The following BACH2 variants were observed in gnomAD, a reference collection of about 807,000 sequenced individuals.
The protein encoded by BACH2 is BACH transcriptional regulator 2, also known as transcription regulator protein BACH2.
Under a neutral mutation model 61.8 loss-of-function variants are expected in BACH2, and 5 were observed. The ratio of observed to expected loss-of-function variants is 0.08; its 90% confidence interval spans 0.04 to 0.17. The LOEUF (loss-of-function observed/expected upper bound fraction) is 0.17, where lower values mean the gene tolerates loss of function less well. Ranked by LOEUF, BACH2 falls within the 10% of genes least tolerant of loss-of-function variation. The probability of loss-of-function intolerance (pLI) is 1.00; values close to 1 mark genes in which losing one functional copy is unlikely to be tolerated. For missense variants in BACH2, 824 were observed against 1,091.1 expected (o/e 0.76, Z 3.45); for synonymous variants, 446 against 440.1 (o/e 1.01, Z -0.17).
intron 1 of BACH2, among the ~76,000 whole-genome samples, chr6:90,294,089 GTAAC>G (rs1562547259): frequency 2.0e-5 from 3 of 152,096 alleles, no homozygotes; most frequent in Middle Eastern, 3.2e-3. Flanking sequence ...AACCAAAAAA[GTAAC>G]TAACAGGAGT....
At chr6:90,223,889 ATC>A (rs1769824997) in intron 3 of BACH2, among the ~76,000 whole-genome samples, 1 of 152,202 alleles carries the variant, frequency 6.6e-6, no homozygotes, top group Non-Finnish European at 1.5e-5. Context: ...CACTATCTGA[ATC>A]TCTGCTCTCA....
intron 5 of BACH2, among the ~76,000 whole-genome samples, chr6:90,067,995 T>G (rs1287083633): frequency 6.6e-6 from 1 of 152,204 alleles, no homozygotes; most frequent in Admixed American, 6.5e-5. Context: ...AATGGGGATA[T>G]ATCAGTGAAT....
At chr6:90,264,545 T>C (rs1162495051) in intron 2 of BACH2, among the ~76,000 whole-genome samples, 6 of 152,338 alleles carry the variant, frequency 3.9e-5, no homozygotes, top group South Asian at 2.1e-4. Flanking sequence ...GGTTTTCAAA[T>C]TGTAAATGCA....
chr6:90,265,982 G>GAGAGAT (rs1211361671), intron 2 of BACH2, among the ~76,000 whole-genome samples: 1 of 152,144 alleles, frequency 6.6e-6, no homozygotes, highest in Non-Finnish European at 1.5e-5. Context: ...GGAGAAAACT[G>GAGAGAT]AGAGATACAT....
chr6:90,119,907 C>G (rs762454915), intron 4 of BACH2, among the ~76,000 whole-genome samples: 3 of 152,082 alleles, frequency 2.0e-5, no homozygotes, highest in Non-Finnish European at 2.9e-5. Flanking sequence ...CAATCTGTGA[C>G]GAGACAATGG....
chr6:90,043,889 T>A (rs1779658734), intron 5 of BACH2, among the ~76,000 whole-genome samples: 2 of 152,352 alleles, frequency 1.3e-5, no homozygotes, highest in East Asian at 1.9e-4. Flanking sequence ...TCTGTCTCTG[T>A]CACCTGGTTA....
intron 5 of BACH2, among the ~76,000 whole-genome samples, chr6:90,055,878 A>G (rs1053249100): frequency 1.1e-4 from 17 of 152,198 alleles, no homozygotes; most frequent in East Asian, 1.9e-4. Context: ...ACTAAGCTTC[A>G]TAAGTGAAGG....
intron 4 of BACH2, among the ~76,000 whole-genome samples, chr6:90,141,737 CATG>C (rs1192883620): frequency 2.0e-5 from 3 of 152,122 alleles, no homozygotes; most frequent in Non-Finnish European, 4.4e-5. Context: ...AGATTTTACA[CATG>C]ATAATAGGTT....
chr6:90,029,784 T>C (rs1014450724), intron 5 of BACH2, among the ~76,000 whole-genome samples: 1 of 152,182 alleles, frequency 6.6e-6, no homozygotes, highest in Admixed American at 6.5e-5. Flanking sequence ...CAGAGCTGCT[T>C]GTCTTTTCTG....
intron 4 of BACH2, among the ~76,000 whole-genome samples, chr6:90,121,181 G>T (rs533551305): frequency 6.6e-6 from 1 of 152,266 alleles, no homozygotes; most frequent in South Asian, 2.1e-4. Context: ...CGAAGAAAAG[G>T]CCTCGAGCCC....
intron 5 of BACH2, among the ~76,000 whole-genome samples, chr6:90,021,299 TA>T (rs200724602): frequency 0.2 from 20,038 of 100,190 alleles, 1,395 homozygotes; most frequent in East Asian, 0.26. Context: ...AGCAAAAAAG[TA>T]AAAAAAAAAA....
chr6:90,226,462 A>C (rs1769918978), intron 3 of BACH2, among the ~76,000 whole-genome samples: 1 of 152,160 alleles, frequency 6.6e-6, no homozygotes, highest in Non-Finnish European at 1.5e-5. Context: ...ACCATGGCTG[A>C]TTTCAAGCTG....
chr6:89,944,035 C>T (rs1339406548), intron 7 of BACH2, among the ~76,000 whole-genome samples: 1 of 152,216 alleles, frequency 6.6e-6, no homozygotes, highest in African/African-American at 2.4e-5. Flanking sequence ...ATCTCCCCTC[C>T]CAGGTGAAGA....
chr6:90,186,903 C>T (rs1000353865), intron 4 of BACH2, among the ~76,000 whole-genome samples: 9 of 152,224 alleles, frequency 5.9e-5, no homozygotes, highest in Non-Finnish European at 1.3e-4. Flanking sequence ...GGTCTGATAA[C>T]TCTCAGAGTG....
At chr6:89,985,267 C>G (rs535226673) in intron 6 of BACH2, among the ~76,000 whole-genome samples, 12 of 152,280 alleles carry the variant, frequency 7.9e-5, no homozygotes, top group African/African-American at 2.6e-4. Context: ...GTTCTCAATC[C>G]TTTGCAGGGA....
chr6:90,206,732 T>G (rs894606093), intron 3 of BACH2, 51 bp from the exon 4 acceptor site: 2 of 152,432 alleles, frequency 1.3e-5, no homozygotes, highest in Admixed American at 6.5e-5. Flanking sequence ...CAGGAAGGCA[T>G]AGAGCACTGC....
At chr6:89,965,714 T>A (rs1214259993) in intron 6 of BACH2, among the ~76,000 whole-genome samples, 1 of 152,240 alleles carries the variant, frequency 6.6e-6, no homozygotes, top group Non-Finnish European at 1.5e-5. Context: ...CTTCAAGAAC[T>A]GAAGTCATAT....
chr6:90,089,735 C>T lies in BACH2; in HGVS notation c.-161-626G>A, dbSNP rs147613506. 8.5e-5 allele frequency among the ~76,000 whole-genome samples: 13 copies of T among 152,236 alleles called. No individual in the cohort carries two copies. The East Asian group carries it at 2.5e-3, about 29-fold the overall frequency. Reference sequence around the variant, plus strand: ...GATGTTTTGTTGTATGGGTCTGAAACTCCTTCACCGAAACTCTTGGGGCCA... The same window carrying T: ...GATGTTTTGTTGTATGGGTCTGAAATTCCTTCACCGAAACTCTTGGGGCCA... On this transcript the variant is annotated intron_variant, in intron 4 of 8. Coordinates refer to ENST00000257749, the MANE Select transcript of BACH2 (RefSeq NM_021813.4).
At chr6:90,154,258 TG>T (rs1394207092) in intron 4 of BACH2, among the ~76,000 whole-genome samples, 2 of 151,448 alleles carry the variant, frequency 1.3e-5, no homozygotes, top group Non-Finnish European at 2.9e-5. Flanking sequence ...AGAGGAAGAG[TG>T]ACAGATGAGA....
Sources: allele counts gnomAD v4.1 joint callset (sites outside exome capture counted in the v4.1 genomes callset), GRCh38; gene constraint gnomAD v4.1.1; transcripts MANE v1.5; gene names NCBI Gene and HGNC (gene_info 2026-07-23, HGNC 2026-07-21).